PDPK1: variants seen among roughly 807,000 people sequenced by gnomAD.
PDPK1 encodes the protein 3-phosphoinositide-dependent protein kinase 1.
In PDPK1, 7 loss-of-function variants were observed where a neutral mutation model predicts 39.8. That is an observed-to-expected ratio of 0.18 (90% CI 0.10 to 0.33). The LOEUF (loss-of-function observed/expected upper bound fraction) is 0.33, where lower values mean the gene tolerates loss of function less well. Among genes scored for constraint, PDPK1 ranks in the 10% least tolerant of loss-of-function variants. The pLI is 1.00. For missense variants in PDPK1, 182 were observed against 384.7 expected, an observed-to-expected ratio of 0.47 and a Z score of 4.41; for synonymous variants, 118 against 159.1, an observed-to-expected ratio of 0.74 and a Z score of 1.95.
chr16:2,602,463 A>G lies in PDPK1; in HGVS notation c.*4696A>G, dbSNP rs949678860. On this transcript the variant is annotated 3_prime_UTR_variant, in exon 14 of 14. Coordinates refer to ENST00000342085, the MANE Select transcript of PDPK1 (RefSeq NM_002613.5). ...CGTAACTCATTTCTTCCATATGAAG[A>G]AACACCAAACTATGTACAGAGAACT... The G allele has an allele frequency of 1.7e-5, 4 of 235,204 alleles. No homozygotes were observed. The highest frequency in any genetic ancestry group is 3.4e-5 in the Non-Finnish European group (4 of 118,178). 14.6% of individuals were successfully genotyped at this position (235,204 alleles called of 1,614,324 possible). A position where few individuals can be genotyped will look rare whatever the true frequency, so the allele number is the denominator to read the frequency against.
chr16:2,545,682 A>T (rs1048376170), intron 1 of PDPK1, among the ~76,000 whole-genome samples: 2 of 152,040 alleles, frequency 1.3e-5, no homozygotes, highest in Non-Finnish European at 2.9e-5. Context: ...TTCAGTAGAG[A>T]CGGCGTTTTA....
At position 2,539,493 on chromosome 16, in the gene PDPK1, G is replaced by T. The variant is rs568983965; in HGVS notation, c.24+1357G>T. On this transcript the variant is annotated intron_variant, in intron 1 of 13. Transcript: ENST00000342085. ...GGTATGGGCCCTCTTCTGAGAAAAA[G>T]GCAGAGTGACGCTGAATTTTGTAAC... is the stretch of plus-strand genomic sequence containing the variant. 3 of 152,228 alleles carry T rather than the reference G, an allele frequency of 2.0e-5. 1 individual carries two copies. The highest frequency in any genetic ancestry group is 4.1e-4 in the South Asian group (2 of 4,824). The allele number at this position is 152,228 out of a possible 1,614,324, so 9.4% of individuals were successfully genotyped here.
intron 11 of PDPK1, among the ~76,000 whole-genome samples, chr16:2,592,003 C>G (rs12447555): frequency 0.068 from 10,350 of 152,314 alleles, 464 homozygotes; most frequent in Non-Finnish European, 0.1. Flanking sequence ...GCCATTGCCA[C>G]TGGCTCCCGC....
intron 1 of PDPK1, among the ~76,000 whole-genome samples, chr16:2,544,031 G>A (rs565545781): frequency 6.6e-6 from 1 of 151,964 alleles, no homozygotes; most frequent in East Asian, 1.9e-4. Flanking sequence ...CACCGTGCCC[G>A]GCCTGCTTTA....
intron 7 of PDPK1, among the ~76,000 whole-genome samples, chr16:2,580,309 T>C (rs1014714433): frequency 4.1e-5 from 6 of 145,358 alleles, no homozygotes. Context: ...GTGTGTCTGA[T>C]GCGCCACCCA....
intron 11 of PDPK1, among the ~76,000 whole-genome samples, chr16:2,590,007 G>A (rs1284507806): frequency 1.3e-5 from 2 of 152,264 alleles, no homozygotes; most frequent in Admixed American, 6.5e-5. Flanking sequence ...CTGCAGGCAC[G>A]AAGAGGGAGT....
At chr16:2,585,011 G>T (rs1393213106) in intron 10 of PDPK1, among the ~76,000 whole-genome samples, 1 of 152,188 alleles carries the variant, frequency 6.6e-6, no homozygotes, top group Non-Finnish European at 1.5e-5. Flanking sequence ...GCTCGCGACT[G>T]GCTGGTGGCC....
intron 1 of PDPK1, among the ~76,000 whole-genome samples, chr16:2,540,777 A>C (rs1169645473): frequency 6.6e-6 from 1 of 152,190 alleles, no homozygotes; most frequent in Non-Finnish European, 1.5e-5. Flanking sequence ...CGATACTCTG[A>C]ATGGGTGAGG....
intron 1 of PDPK1, among the ~76,000 whole-genome samples, chr16:2,540,715 G>C (rs1189537629): frequency 6.6e-6 from 1 of 152,200 alleles, no homozygotes; most frequent in Non-Finnish European, 1.5e-5. Context: ...GCCTCCTGCT[G>C]TCAGAAAGCA....
chr16:2,573,698 C>T (rs1331315670), intron 6 of PDPK1, among the ~76,000 whole-genome samples: 2 of 110,246 alleles, frequency 1.8e-5, no homozygotes, highest in East Asian at 5.1e-4. Context: ...GACCGCTGCA[C>T]TCCAGCCTGG....
At chr16:2,560,685 TTGG>T (rs1477180542) in intron 2 of PDPK1, among the ~76,000 whole-genome samples, 2 of 141,174 alleles carry the variant, frequency 1.4e-5, no homozygotes, top group African/African-American at 2.8e-5. Context: ...TGTGTCCCAC[TTGG>T]TGGTGGTGGG....
At position 2,601,164 on chromosome 16, in the gene PDPK1, T is replaced by C; in HGVS notation, c.*3397T>C. ...GGTATTTTGAGGTGAAAGAGTTTGT[T>C]CATTTTGAAGATATTTCTGTCTCTC... On this transcript the variant is annotated 3_prime_UTR_variant, in exon 14 of 14. Coordinates refer to ENST00000342085, the MANE Select transcript of PDPK1 (RefSeq NM_002613.5). 1 of 233,208 alleles carries C rather than the reference T, an allele frequency of 4.3e-6. No homozygotes were observed. The highest frequency in any genetic ancestry group is 1.8e-4 in the South Asian group (1 of 5,520). The allele number at this position is 233,208 out of a possible 1,614,324, so 14.4% of individuals were successfully genotyped here.
At chr16:2,542,304 T>C (rs938126639) in intron 1 of PDPK1, among the ~76,000 whole-genome samples, 1 of 152,086 alleles carries the variant, frequency 6.6e-6, no homozygotes, top group Admixed American at 6.6e-5. Flanking sequence ...GGATTACAGG[T>C]GCGCACCACC....
intron 12 of PDPK1, among the ~76,000 whole-genome samples, chr16:2,596,174 A>G (rs1344900107): frequency 6.6e-6 from 1 of 152,186 alleles, no homozygotes; most frequent in Non-Finnish European, 1.5e-5. Flanking sequence ...GAAGTGTTTC[A>G]AAACCATTTA....
At chr16:2,578,184 G>A (rs1364802129) in intron 7 of PDPK1, among the ~76,000 whole-genome samples, 1 of 147,068 alleles carries the variant, frequency 6.8e-6, no homozygotes, top group Non-Finnish European at 1.5e-5. Flanking sequence ...AGCTGCAGTG[G>A]GACAGCGTCC....
At chr16:2,538,779 G>C (rs2066186486) in intron 1 of PDPK1, 1 of 1,278,764 alleles carries the variant, frequency 7.8e-7, no homozygotes, top group African/African-American at 1.5e-5. Context: ...CAGGTAGGAG[G>C]GATTTTAGGG....
rs2067185838 is a variant in PDPK1, at chr16:2,600,053, C to G, written c.*2286C>G. ...TGGGTCACCTTTCTCCTCACCCAGCCCCTTGCTCTTCCCTTTTGAAAGGCC... is the reference window on the plus strand; with the variant it reads ...TGGGTCACCTTTCTCCTCACCCAGCGCCTTGCTCTTCCCTTTTGAAAGGCC... On this transcript the variant is annotated 3_prime_UTR_variant, in exon 14 of 14. Coordinates refer to ENST00000342085, the MANE Select transcript of PDPK1 (RefSeq NM_002613.5). 4.6e-6 allele frequency: 1 copy of G among 219,054 alleles called. No homozygotes were observed. The highest frequency in any genetic ancestry group is 8.7e-6 in the Non-Finnish European group (1 of 114,644). 13.6% of individuals were successfully genotyped at this position (219,054 alleles called of 1,614,324 possible).
At chr16:2,542,318 A>ATTAT (rs61405252) in intron 1 of PDPK1, among the ~76,000 whole-genome samples, 2,863 of 151,968 alleles carry the variant, frequency 0.019, 67 homozygotes, top group African/African-American at 0.065. Flanking sequence ...CACCACCTAC[A>ATTAT]TTATTTATTT....
At position 2,603,180 on chromosome 16, in the gene PDPK1, T is replaced by TAG. The variant is rs2067255473; in HGVS notation, c.*5416_*5417dup. 2 of 212,596 alleles carry TAG rather than the reference T, an allele frequency of 9.4e-6. No individual in the cohort carries two copies. The highest frequency in any genetic ancestry group is 1.2e-4 in the Admixed American group (2 of 17,032). The allele number at this position is 212,596 out of a possible 1,614,324, so 13.2% of individuals were successfully genotyped here. A position where few individuals can be genotyped will look rare whatever the true frequency, so the allele number is the denominator to read the frequency against. On this transcript the variant is annotated 3_prime_UTR_variant, in exon 14 of 14. Transcript: ENST00000342085. ...CAGTAGTCTTGTAATAAAAAGCATG[T>TAG]AGAGTGTAGAGGTTTGCTGGCGTGG...
Sources: gnomAD v4.1 joint callset for allele counts (sites outside exome capture counted in the v4.1 genomes callset) on GRCh38, gnomAD v4.1.1 for gene constraint, MANE v1.5 for transcripts, NCBI Gene and HGNC (gene_info 2026-07-23, HGNC 2026-07-21) for gene names.